ADAMTS19: variants seen among roughly 807,000 people sequenced by gnomAD.
ADAMTS19 encodes the protein ADAM metallopeptidase with thrombospondin type 1 motif 19.
A neutral mutation model predicts 153.3 loss-of-function variants in ADAMTS19; 93 were observed. The ratio of observed to expected loss-of-function variants is 0.61; its 90% CI spans 0.51 to 0.72. ADAMTS19 has a LOEUF of 0.72. Among genes scored for constraint, ADAMTS19 ranks in the 30% least tolerant of loss-of-function variants. The probability of loss-of-function intolerance (pLI) is 0.00; values close to 1 mark genes in which losing one functional copy is unlikely to be tolerated. For synonymous variants in ADAMTS19, 600 were observed against 556.6 expected (o/e 1.08, Z -1.10); for missense variants, 1,482 against 1,552.1 (o/e 0.95, Z 0.76).
At chr5:129,604,782 TA>T (rs1225106714) in intron 8 of ADAMTS19, among the ~76,000 whole-genome samples, 2 of 152,204 alleles carry the variant, frequency 1.3e-5, no homozygotes, top group African/African-American at 4.8e-5. Flanking sequence ...GGTAAATTCT[TA>T]TAAAAACAAT....
chr5:129,671,229 G>A (rs1234101266), intron 16 of ADAMTS19, among the ~76,000 whole-genome samples: 1 of 152,164 alleles, frequency 6.6e-6, no homozygotes, highest in Admixed American at 6.5e-5. Flanking sequence ...GAAACACCCA[G>A]TAGCTTCCAG....
intron 7 of ADAMTS19, among the ~76,000 whole-genome samples, chr5:129,552,571 G>A (rs978387072): frequency 9.9e-5 from 15 of 151,478 alleles, no homozygotes; most frequent in African/African-American, 3.4e-4. Flanking sequence ...ATAGCTGTGT[G>A]TAACAATATA....
chr5:129,691,958 T>C (rs2127143672), intron 18 of ADAMTS19, among the ~76,000 whole-genome samples: 1 of 152,300 alleles, frequency 6.6e-6, no homozygotes, highest in South Asian at 2.1e-4. Context: ...TGACTATATA[T>C]ATGTTCAGCA....
At chr5:129,578,175 T>C (rs1292213944) in intron 7 of ADAMTS19, among the ~76,000 whole-genome samples, 11 of 58,854 alleles carry the variant, frequency 1.9e-4, no homozygotes, top group Admixed American at 5.4e-4. Context: ...TACATATACC[T>C]ATATGCATGT....
At position 129,461,139 on chromosome 5, in the gene ADAMTS19, C is replaced by T. The variant is rs1749637081; in HGVS notation, c.129C>T (p.Val43=). ...CCCCCGACCGCGAGGAGTGGGAAGTCGTGTTTCCTGCGCTCTGGCGCCGGG... is the reference window on the plus strand; with the variant it reads ...CCCCCGACCGCGAGGAGTGGGAAGTTGTGTTTCCTGCGCTCTGGCGCCGGG... The part of the protein sequence containing the change: ...QFAPDREEWE[V]VFPALWRREP... Residue 43 remains valine (V), a synonymous_variant, in exon 2 of 23, where the codon GTC becomes GTT. Transcript: ENST00000274487. This position sits in a 1 kb window ranked among gnomAD's most constrained non-coding sequence, Gnocchi z 4.6. 3 of 1,422,448 alleles carry T rather than the reference C, an allele frequency of 2.1e-6. No homozygotes were observed. The highest frequency in any genetic ancestry group is 2.6e-5 in the Admixed American group (1 of 38,460). 88.1% of individuals were successfully genotyped at this position (1,422,448 alleles called of 1,614,324 possible). A position where few individuals can be genotyped will look rare whatever the true frequency, so the allele number is the denominator to read the frequency against.
At chr5:129,593,237 G>A (rs926638234) in intron 7 of ADAMTS19, among the ~76,000 whole-genome samples, 1 of 152,126 alleles carries the variant, frequency 6.6e-6, no homozygotes, top group Non-Finnish European at 1.5e-5. Context: ...TCTTAAAGCT[G>A]TGATTGATCT....
chr5:129,619,597 C>T (rs1751685277), intron 8 of ADAMTS19, among the ~76,000 whole-genome samples: 1 of 151,848 alleles, frequency 6.6e-6, no homozygotes, highest in Non-Finnish European at 1.5e-5. Flanking sequence ...ATGGCATAGG[C>T]AGATTGTGTT....
chr5:129,691,095 A>G (rs929063617), intron 18 of ADAMTS19, among the ~76,000 whole-genome samples: 3 of 152,132 alleles, frequency 2.0e-5, no homozygotes, highest in African/African-American at 7.2e-5. Flanking sequence ...CATATATTTT[A>G]TAGTAAAAAG....
intron 15 of ADAMTS19, among the ~76,000 whole-genome samples, chr5:129,659,044 G>A (rs1298622597): frequency 6.6e-6 from 1 of 152,174 alleles, no homozygotes; most frequent in African/African-American, 2.4e-5. Flanking sequence ...CCAATGCAAA[G>A]AATGATGTCT....
intron 6 of ADAMTS19, among the ~76,000 whole-genome samples, chr5:129,542,086 T>C (rs1179472378): frequency 6.6e-6 from 1 of 152,110 alleles, no homozygotes; most frequent in East Asian, 1.9e-4. Flanking sequence ...GAGACCAACT[T>C]TGCCTAAGTT....
intron 16 of ADAMTS19, among the ~76,000 whole-genome samples, chr5:129,670,685 C>T (rs970104026): frequency 1.3e-5 from 2 of 152,144 alleles, no homozygotes; most frequent in Non-Finnish European, 2.9e-5. Flanking sequence ...TTTCTTTAAA[C>T]TTATCCCATA....
chr5:129,695,859 C>T (rs1755528207), intron 19 of ADAMTS19, among the ~76,000 whole-genome samples: 1 of 152,142 alleles, frequency 6.6e-6, no homozygotes, highest in Admixed American at 6.5e-5. Flanking sequence ...TGATCTTCCC[C>T]TCACAAGAGC....
intron 21 of ADAMTS19, among the ~76,000 whole-genome samples, chr5:129,733,504 A>G (rs1461204240): frequency 6.6e-6 from 1 of 152,080 alleles, no homozygotes; most frequent in Non-Finnish European, 1.5e-5. Flanking sequence ...AAGGACATGA[A>G]CACACATTCC....
intron 21 of ADAMTS19, among the ~76,000 whole-genome samples, chr5:129,724,557 T>G (rs565996158): frequency 1.8e-4 from 27 of 152,284 alleles, no homozygotes; most frequent in Admixed American, 6.5e-4. Flanking sequence ...CATCATTATC[T>G]GGGGTAAATA....
intron 21 of ADAMTS19, among the ~76,000 whole-genome samples, chr5:129,724,031 C>T (rs1757109944): frequency 6.6e-6 from 1 of 152,194 alleles, no homozygotes; most frequent in African/African-American, 2.4e-5. Flanking sequence ...GCGGAGACCA[C>T]TGTTCTTATG....
chr5:129,671,861 C>T (rs1232203610), intron 16 of ADAMTS19, among the ~76,000 whole-genome samples: 1 of 151,998 alleles, frequency 6.6e-6, no homozygotes, highest in African/African-American at 2.4e-5. Flanking sequence ...GTCTACTTAC[C>T]TTCCACGCAG....
At chr5:129,551,941 T>A in intron 7 of ADAMTS19, 34 bp downstream of exon 7, 1 of 1,462,532 alleles carries the variant, frequency 6.8e-7, no homozygotes, top group Non-Finnish European at 9.3e-7. Context: ...TTTGGAGTTC[T>A]GGAGAACTTG....
intron 19 of ADAMTS19, among the ~76,000 whole-genome samples, chr5:129,699,545 G>A (rs1162857429): frequency 1.3e-5 from 2 of 151,438 alleles, no homozygotes; most frequent in Non-Finnish European, 2.9e-5. Context: ...ACAAAGAAAA[G>A]AAGGCCAAAT....
chr5:129,699,913 C>A (rs1755750594), intron 19 of ADAMTS19, among the ~76,000 whole-genome samples: 1 of 152,008 alleles, frequency 6.6e-6, no homozygotes, highest in Admixed American at 6.6e-5. Flanking sequence ...TAATAATAAA[C>A]CCTTTTACAA....
Sources: allele counts gnomAD v4.1 joint callset (sites outside exome capture counted in the v4.1 genomes callset), GRCh38; gene constraint gnomAD v4.1.1; non-coding constraint Gnocchi (gnomAD v3.1); transcripts MANE v1.5; gene names NCBI Gene and HGNC (gene_info 2026-07-23, HGNC 2026-07-21).